ANKRD53: variants seen among roughly 807,000 people sequenced by gnomAD.
ANKRD53 encodes the protein ankyrin repeat domain 53, also known as ankyrin repeat domain-containing protein 53.
ANKRD53 carries 27 observed loss-of-function variants against 30.1 expected under a neutral mutation model. That is an observed-to-expected ratio of 0.90 (90% CI 0.66 to 1.24). The LOEUF (loss-of-function observed/expected upper bound fraction) is 1.24, where lower values mean the gene tolerates loss of function less well. ANKRD53 is among the 50% of genes most tolerant of loss of function. ANKRD53 has a pLI of 0.00. For synonymous variants in ANKRD53, 286 were observed against 295.4 expected (o/e 0.97, Z 0.33); for missense variants, 682 against 721.0 (o/e 0.95, Z 0.62).
intron 5 of ANKRD53, among the ~76,000 whole-genome samples, chr2:70,983,194 A>C (rs1553423997): frequency 6.6e-6 from 1 of 152,144 alleles, no homozygotes; most frequent in African/African-American, 2.4e-5. Flanking sequence ...CAAGGAGGAG[A>C]GGGTCCAGGA....
chr2:70,978,713 G>C lies in ANKRD53; in HGVS notation c.68G>C (p.Gly23Ala), dbSNP rs1553422822. The change falls in exon 1 of 6, where the codon GGG (glycine) becomes GCG (alanine). Residue 23 changes from glycine (G) to alanine (A), a missense_variant. Physicochemically the swap from Gly to Ala is moderately conservative, Grantham distance 60. Coordinates refer to ENST00000360589, the MANE Select transcript of ANKRD53 (RefSeq NM_001115116.2). This position sits in a 1 kb window ranked among gnomAD's most constrained non-coding sequence, Gnocchi z 4.3. ...SGSWHSERGEGRGARPQPTPS... is the reference protein window; with the variant it reads ...SGSWHSERGEARGARPQPTPS... Reference sequence around the variant, plus strand: ...AGCTGGCACTCAGAAAGGGGAGAAGGGAGAGGTGCTCGGCCGCAGCCAACT... The same window carrying C: ...AGCTGGCACTCAGAAAGGGGAGAAGCGAGAGGTGCTCGGCCGCAGCCAACT... 6.5e-7 allele frequency: 1 copy of C among 1,550,236 alleles called. No individual in the cohort carries two copies. Among genetic ancestry groups the C allele is most frequent in the Non-Finnish European group, 8.7e-7 (1 of 1,147,122 alleles).
chr2:70,984,475 T>C, intron 5 of ANKRD53, 136 bp from the exon 6 acceptor site: 1 of 1,525,508 alleles, frequency 6.6e-7, no homozygotes, highest in East Asian at 2.3e-5. Context: ...AGACTCAGAC[T>C]TTCCCTCCCA....
Position 70,985,307 on chromosome 2 carries a change from T to C in ANKRD53, c.*7T>C. 1.9e-6 allele frequency: 3 copies of C among 1,547,178 alleles called. No homozygotes were observed. The highest frequency in any genetic ancestry group is 2.6e-6 in the Non-Finnish European group (3 of 1,145,404). ...CCCACAAACCAACCCATAAAGTTAT[T>C]ATGGCTACCTCTCCCCCTGAGGCAG... On this transcript the variant is annotated 3_prime_UTR_variant, in exon 6 of 6. Coordinates refer to ENST00000360589, the MANE Select transcript of ANKRD53 (RefSeq NM_001115116.2).
chr2:70,978,558 C>T (rs1028751488), upstream of ANKRD53: 8 of 1,370,804 alleles, frequency 5.8e-6, no homozygotes, highest in Non-Finnish European at 7.6e-6. This position sits in a 1 kb window ranked among gnomAD's most constrained non-coding sequence, Gnocchi z 4.3. Context: ...GAAACCGCGG[C>T]CAGCTGGCAA....
rs1572938074 is a variant in ANKRD53, at chr2:70,984,856, C to T, written c.1149C>T (p.Pro383=). The T allele has an allele frequency of 1.3e-6, 2 of 1,551,642 alleles. No individual in the cohort carries two copies. Among genetic ancestry groups the T allele is most frequent in the Non-Finnish European group, 1.7e-6 (2 of 1,147,064 alleles). ...PIYRKPTVKR[P]TMWNVSNNPA... The stretch of plus-strand genomic sequence containing the variant: ...ACAGGAAGCCCACGGTCAAGCGGCC[C>T]ACAATGTGGAATGTTAGCAACAACC... Residue 383 remains proline (P), a synonymous_variant, in exon 6 of 6, where the codon CCC becomes CCT. Transcript: ENST00000360589.
chr2:70,983,005 A>C (rs1337051779), intron 5 of ANKRD53, among the ~76,000 whole-genome samples: 1 of 152,218 alleles, frequency 6.6e-6, no homozygotes, highest in Non-Finnish European at 1.5e-5. Context: ...AGACCAAGGC[A>C]CTGCCTGTAA....
chr2:70,978,909 G>C lies in ANKRD53; in HGVS notation c.170+94G>C. The C allele has an allele frequency of 6.8e-7, 1 of 1,460,200 alleles. No individual in the cohort carries two copies. The highest frequency in any genetic ancestry group is 9.1e-7 in the Non-Finnish European group (1 of 1,103,876). 90.5% of individuals were successfully genotyped at this position (1,460,200 alleles called of 1,614,324 possible). ...AGGGCCTGGAGCGGGCGGGGGCGGAGGCTGCGGCCCGAGAAGCCAGCAGAG... is the reference window on the plus strand; with the variant it reads ...AGGGCCTGGAGCGGGCGGGGGCGGACGCTGCGGCCCGAGAAGCCAGCAGAG... On this transcript the variant is annotated intron_variant, in intron 1 of 5. Transcript: ENST00000360589. This position sits in a 1 kb window ranked among gnomAD's most constrained non-coding sequence, Gnocchi z 4.3.
chr2:70,981,278 G>A (rs1439874056), intron 3 of ANKRD53, among the ~76,000 whole-genome samples: 1 of 152,166 alleles, frequency 6.6e-6, no homozygotes, highest in Non-Finnish European at 1.5e-5. Flanking sequence ...TTCTAGTAAA[G>A]GAGCAGACAG....
rs376162693 is a variant in ANKRD53 at position 70,982,717 on chromosome 2, G to C, written c.903+20G>C. ...TATCAAGTAAGGGGGACAGCAGGGG[G>C]GCCAGGGGACAGCTGCTATCCAGGC... On this transcript the variant is annotated intron_variant, in intron 5 of 5. Coordinates refer to ENST00000360589, the MANE Select transcript of ANKRD53 (RefSeq NM_001115116.2). This position sits in a 1 kb window ranked among gnomAD's most constrained non-coding sequence, Gnocchi z 4.2. 6.2e-7 allele frequency: 1 copy of C among 1,612,278 alleles called. No individual in the cohort carries two copies. Among genetic ancestry groups the C allele is most frequent in the Admixed American group, 1.7e-5 (1 of 59,970 alleles).
Position 70,982,132 on chromosome 2 carries a change from C to G in ANKRD53, c.782+32C>G. 6.4e-7 allele frequency: 1 copy of G among 1,566,624 alleles called. No individual in the cohort carries two copies. The highest frequency in any genetic ancestry group is 8.7e-7 in the Non-Finnish European group (1 of 1,153,752). ...GTGTGAGAACCACCTGGAGCCTGCCCACCCCCTTCCCCTCCCCCAGCCTTT... is the reference window on the plus strand; with the variant it reads ...GTGTGAGAACCACCTGGAGCCTGCCGACCCCCTTCCCCTCCCCCAGCCTTT... On this transcript the variant is annotated intron_variant, in intron 4 of 5. Transcript: ENST00000360589. The surrounding 1 kb of genome is among the most constrained non-coding windows in gnomAD (Gnocchi z 4.2).
In ANKRD53 at chr2:70,982,215, C is replaced by A; in HGVS notation, c.782+115C>A. 8.0e-7 allele frequency: 1 copy of A among 1,250,088 alleles called. No individual in the cohort carries two copies. The highest frequency in any genetic ancestry group is 1.1e-6 in the Non-Finnish European group (1 of 919,930). 77.4% of individuals were successfully genotyped at this position (1,250,088 alleles called of 1,614,324 possible). ...AGGGGAGGGTTGGGAAGCCAGACAG[C>A]TGGAGGATGCGCCTACTGCCCAGGA... is the stretch of plus-strand genomic sequence containing the variant. On this transcript the variant is annotated intron_variant, in intron 4 of 5. Transcript: ENST00000360589. This position sits in a 1 kb window ranked among gnomAD's most constrained non-coding sequence, Gnocchi z 4.2.
chr2:70,984,915 C>A lies in ANKRD53; in HGVS notation c.1208C>A (p.Ser403Ter). 6.4e-7 allele frequency: 1 copy of A among 1,550,950 alleles called. No individual in the cohort carries two copies. Among genetic ancestry groups the A allele is most frequent in the Non-Finnish European group, 8.7e-7 (1 of 1,147,014 alleles). Residue 403 changes from serine (S) to a stop codon, truncating the protein, a stop_gained, in exon 6 of 6, where the codon TCG becomes TAG. Coordinates refer to ENST00000360589, the MANE Select transcript of ANKRD53 (RefSeq NM_001115116.2). LOFTEE classifies it low-confidence loss of function (END_TRUNC). ...CCCCCCACCACCCAGATCAGCCACTCGCAGGGCATCCGCCTGGGCGTGCAT... is the reference window on the plus strand; with the variant it reads ...CCCCCCACCACCCAGATCAGCCACTAGCAGGGCATCCGCCTGGGCGTGCAT... ...ARPPTTQISH[S>*]QGIRLGVHPD...
chr2:70,985,064 G>A lies in ANKRD53; in HGVS notation c.1357G>A (p.Glu453Lys). 1.3e-6 allele frequency: 2 copies of A among 1,550,348 alleles called. No individual in the cohort carries two copies. Among genetic ancestry groups the A allele is most frequent in the Non-Finnish European group, 1.7e-6 (2 of 1,146,992 alleles). ...GGCGCCCGTGCCGCGGCTGCCTTTTGAGGTGCTGCTGCGCATGCTGTACCC... is the reference window on the plus strand; with the variant it reads ...GGCGCCCGTGCCGCGGCTGCCTTTTAAGGTGCTGCTGCGCATGCTGTACCC... The part of the protein sequence containing the change: ...WVAPVPRLPF[E>K]VLLRMLYPRV... The change falls in exon 6 of 6, where the codon GAG becomes AAG. Residue 453 changes from glutamate (E) to lysine (K), a missense_variant. Glu to Lys is a moderately conservative substitution (Grantham distance 56). Coordinates refer to ENST00000360589, the MANE Select transcript of ANKRD53 (RefSeq NM_001115116.2).
Position 70,982,281 on chromosome 2 carries a change from G to A in ANKRD53, c.782+181G>A, listed in dbSNP as rs1430532420. On this transcript the variant is annotated intron_variant, in intron 4 of 5. Coordinates refer to ENST00000360589, the MANE Select transcript of ANKRD53 (RefSeq NM_001115116.2). The surrounding 1 kb of genome is among the most constrained non-coding windows in gnomAD (Gnocchi z 4.2). ...AATCACCTCATCACCTGGGCTTGGG[G>A]GTAAGTCTGCCCAGGTCCCCTGCTC... 1 of 818,228 alleles carries A rather than the reference G, an allele frequency of 1.2e-6. No individual in the cohort carries two copies. Among genetic ancestry groups the A allele is most frequent in the Non-Finnish European group, 1.8e-6 (1 of 541,224 alleles). The allele number at this position is 818,228 out of a possible 1,614,324, so 50.7% of individuals were successfully genotyped here.
In ANKRD53 at chr2:70,978,827, G is replaced by C; in HGVS notation, c.170+12G>C. 1.3e-6 allele frequency: 2 copies of C among 1,555,468 alleles called. No homozygotes were observed. Among genetic ancestry groups the C allele is most frequent in the Non-Finnish European group, 1.7e-6 (2 of 1,150,938 alleles). On this transcript the variant is annotated intron_variant, in intron 1 of 5. Transcript: ENST00000360589. This position sits in a 1 kb window ranked among gnomAD's most constrained non-coding sequence, Gnocchi z 4.3. Reference sequence around the variant, plus strand: ...TCCAAGCAGCCCAGGTGGGTAGCGGGAGAAGGTGTCCCGGCTGCAGGGAGC... The same window carrying C: ...TCCAAGCAGCCCAGGTGGGTAGCGGCAGAAGGTGTCCCGGCTGCAGGGAGC...
At chr2:70,984,224 T>C in intron 5 of ANKRD53, 2 of 1,614,170 alleles carry the variant, frequency 1.2e-6, no homozygotes, top group South Asian at 2.2e-5. Flanking sequence ...GTGGATTCCT[T>C]TGGAGAAGAA....
intron 3 of ANKRD53, 98 bp from the exon 4 acceptor site, chr2:70,981,838 G>C: frequency 3.7e-6 from 5 of 1,341,122 alleles, no homozygotes; most frequent in South Asian, 1.6e-5. Flanking sequence ...ACTGATGGTA[G>C]AGCAGGGCTT....
In ANKRD53 at chr2:70,982,657, AG is replaced by A. The variant is rs1287876275; in HGVS notation, c.864del (p.Gln288HisfsTer2). 2.5e-6 allele frequency: 4 copies of A among 1,614,090 alleles called. No individual in the cohort carries two copies. The highest frequency in any genetic ancestry group is 2.5e-6 in the Non-Finnish European group (3 of 1,180,034). On this transcript the variant is annotated frameshift_variant, in exon 5 of 6. Transcript: ENST00000360589. LOFTEE classifies it low-confidence loss of function (END_TRUNC). The surrounding 1 kb of genome is among the most constrained non-coding windows in gnomAD (Gnocchi z 4.2). ...ACGAAAATGAAGATGTTCAAGAGCC[AG>A]CTGACCCTCATGGAGCACAACTACC... ...EMTKMKMFKS[Q>X]LTLMEHNYLI...
In ANKRD53 at chr2:70,982,663, C is replaced by T; in HGVS notation, c.869C>T (p.Thr290Ile). Residue 290 changes from threonine to isoleucine, a missense_variant, in exon 5 of 6, where the codon ACC becomes ATC. By Grantham distance (89) the Thr-to-Ile change is moderately conservative. Coordinates refer to ENST00000360589, the MANE Select transcript of ANKRD53 (RefSeq NM_001115116.2). This position sits in a 1 kb window ranked among gnomAD's most constrained non-coding sequence, Gnocchi z 4.2. ...TKMKMFKSQLTLMEHNYLIEY... is the reference protein window; with the variant it reads ...TKMKMFKSQLILMEHNYLIEY... ...ATGAAGATGTTCAAGAGCCAGCTGA[C>T]CCTCATGGAGCACAACTACCTGATT... The T allele has an allele frequency of 1.9e-6, 3 of 1,614,156 alleles. No individual in the cohort carries two copies. Among genetic ancestry groups the T allele is most frequent in the Non-Finnish European group, 2.5e-6 (3 of 1,180,010 alleles).
Sources: allele counts gnomAD v4.1 joint callset (sites outside exome capture counted in the v4.1 genomes callset), GRCh38; gene constraint gnomAD v4.1.1; non-coding constraint Gnocchi (gnomAD v3.1); transcripts MANE v1.5; gene names NCBI Gene and HGNC (gene_info 2026-07-23, HGNC 2026-07-21).